Variants in SKAP1 observed in about 807,000 individuals in gnomAD.
The protein encoded by SKAP1 is src kinase-associated phosphoprotein 1.
SKAP1 carries 44 observed loss-of-function variants against 58.5 expected under a neutral mutation model. The observed-to-expected ratio is 0.75, with a 90% confidence interval of 0.59 to 0.97. SKAP1 has a LOEUF of 0.97. Among genes scored for constraint, SKAP1 ranks in the 50% least tolerant of loss-of-function variants. The pLI is 0.00. For synonymous variants in SKAP1, 127 were observed against 149.7 expected (o/e 0.85, Z 1.11); for missense variants, 390 against 435.2 (o/e 0.90, Z 0.92).
At chr17:48,386,053 G>A (rs1835723137) in intron 2 of SKAP1, among the ~76,000 whole-genome samples, 1 of 152,096 alleles carries the variant, frequency 6.6e-6, no homozygotes, top group Non-Finnish European at 1.5e-5. Flanking sequence ...TTAGAGATAT[G>A]TTATTAGAGG....
At chr17:48,442,896 T>C in the SKAP1 span, among the ~76,000 whole-genome samples, 1 of 152,150 alleles carries the variant, frequency 6.6e-6, no homozygotes, top group African/African-American at 2.4e-5. Flanking sequence ...TCCCAATATT[T>C]CACTTCCTCA....
At chr17:48,267,402 A>AAC (rs943423342) in intron 4 of SKAP1, among the ~76,000 whole-genome samples, 3 of 152,036 alleles carry the variant, frequency 2.0e-5, no homozygotes, top group South Asian at 2.1e-4. Flanking sequence ...ATTTTAATTA[A>AAC]ACACACACAC....
chr17:48,399,175 T>C (rs868278917), intron 1 of SKAP1, among the ~76,000 whole-genome samples: 1 of 152,366 alleles, frequency 6.6e-6, no homozygotes, highest in East Asian at 1.9e-4. Context: ...CTATTGCATA[T>C]GTGATTTAAT....
chr17:48,179,833 A>G (rs907204083), intron 9 of SKAP1, among the ~76,000 whole-genome samples: 3 of 152,236 alleles, frequency 2.0e-5, no homozygotes, highest in Admixed American at 2.0e-4. Flanking sequence ...TTCACATGGC[A>G]TGGATAGAAG....
intron 4 of SKAP1, among the ~76,000 whole-genome samples, chr17:48,337,614 T>A (rs1174189341): frequency 6.6e-6 from 1 of 152,236 alleles, no homozygotes; most frequent in Non-Finnish European, 1.5e-5. Context: ...TAGTTCTATG[T>A]CAAATCAATT....
At chr17:48,318,994 C>T (rs2066325195) in intron 4 of SKAP1, among the ~76,000 whole-genome samples, 1 of 152,110 alleles carries the variant, frequency 6.6e-6, no homozygotes, top group Non-Finnish European at 1.5e-5. Context: ...GAGAAATGAA[C>T]CTTTAAAGAA....
intron 4 of SKAP1, among the ~76,000 whole-genome samples, chr17:48,328,619 A>G (rs1312595605): frequency 6.6e-6 from 1 of 152,116 alleles, no homozygotes; most frequent in African/African-American, 2.4e-5. Context: ...AAAAGTGCTG[A>G]TTTTTATTTA....
intron 2 of SKAP1, among the ~76,000 whole-genome samples, chr17:48,389,892 C>G (rs904428083): frequency 4.6e-5 from 7 of 151,970 alleles, no homozygotes; most frequent in African/African-American, 1.7e-4. Flanking sequence ...ATGGGGGTAC[C>G]ATAAAAGAAA....
intron 4 of SKAP1, among the ~76,000 whole-genome samples, chr17:48,340,975 G>A (rs776615865): frequency 6.6e-6 from 1 of 152,124 alleles, no homozygotes; most frequent in African/African-American, 2.4e-5. Flanking sequence ...TCTTCAAAAA[G>A]CAATGGCTTT....
chr17:48,252,618 C>G (rs1726572282), intron 4 of SKAP1, among the ~76,000 whole-genome samples: 1 of 151,792 alleles, frequency 6.6e-6, no homozygotes, highest in Non-Finnish European at 1.5e-5. Flanking sequence ...AATAGAATTG[C>G]TATTCAGATA....
At chr17:48,352,989 T>C (rs1567879393) in intron 3 of SKAP1, among the ~76,000 whole-genome samples, 1 of 152,204 alleles carries the variant, frequency 6.6e-6, no homozygotes, top group African/African-American at 2.4e-5. Flanking sequence ...GTATTTTAAC[T>C]TTAATAAAGT....
At chr17:48,168,177 C>T (rs946931445) in intron 10 of SKAP1, among the ~76,000 whole-genome samples, 4 of 152,006 alleles carry the variant, frequency 2.6e-5, no homozygotes, top group Admixed American at 1.3e-4. Context: ...CTAGTTAGGC[C>T]TTCAGAATGT....
At chr17:48,295,476 C>A (rs1450577019) in intron 4 of SKAP1, 2 of 151,996 alleles carry the variant, frequency 1.3e-5, no homozygotes, top group African/African-American at 2.4e-5. Flanking sequence ...TGAAAGGATT[C>A]AAAAAATTCT....
At chr17:48,442,821 A>G in the SKAP1 span, among the ~76,000 whole-genome samples, 1 of 152,146 alleles carries the variant, frequency 6.6e-6, no homozygotes, top group Non-Finnish European at 1.5e-5. Context: ...TTTCCACCCT[A>G]AAACCAGTGA....
chr17:48,404,971 G>T (rs2067550813), intron 1 of SKAP1, among the ~76,000 whole-genome samples: 1 of 152,076 alleles, frequency 6.6e-6, no homozygotes, highest in Admixed American at 6.5e-5. Context: ...ATTATTAAAA[G>T]GCCAAAGGTG....
the SKAP1 span, among the ~76,000 whole-genome samples, chr17:48,435,545 G>A: frequency 6.6e-6 from 1 of 152,206 alleles, no homozygotes; most frequent in African/African-American, 2.4e-5. Context: ...TTGGAAACTA[G>A]CTGGAAGAAA....
intron 1 of SKAP1, among the ~76,000 whole-genome samples, chr17:48,408,990 G>T (rs921625492): frequency 6.6e-6 from 1 of 152,164 alleles, no homozygotes; most frequent in Non-Finnish European, 1.5e-5. Context: ...AACCTGATGG[G>T]TTTTCCACTA....
At chr17:48,308,368 A>T (rs888147027) in intron 4 of SKAP1, 8 of 152,302 alleles carry the variant, frequency 5.3e-5, no homozygotes, top group Admixed American at 5.2e-4. Context: ...AAAGTATACA[A>T]CTTATTCTCA....
At chr17:48,368,385 C>A (rs72827848) in intron 2 of SKAP1, among the ~76,000 whole-genome samples, 12,443 of 152,180 alleles carry the variant, frequency 0.082, 649 homozygotes, top group East Asian at 0.2. Context: ...TCTCTGTTAG[C>A]CAGAGAGTCC....
Sources: gnomAD v4.1 joint callset for allele counts (sites outside exome capture counted in the v4.1 genomes callset) on GRCh38, gnomAD v4.1.1 for gene constraint, MANE v1.5 for transcripts, NCBI Gene and HGNC (gene_info 2026-07-23, HGNC 2026-07-21) for gene names.